Variants in PLCB4 observed in about 807,000 individuals in gnomAD.
PLCB4 encodes the protein phospholipase C beta 4.
In PLCB4, 77 loss-of-function variants were observed where a neutral mutation model predicts 178.8. That is an observed-to-expected ratio of 0.43 (90% CI 0.36 to 0.52). The LOEUF (loss-of-function observed/expected upper bound fraction) is 0.52, where lower values mean the gene tolerates loss of function less well. Among genes scored for constraint, PLCB4 ranks in the 20% least tolerant of loss-of-function variants. PLCB4 has a pLI of 0.00. For missense variants in PLCB4, 1,024 were observed against 1,453.4 expected (o/e 0.70, Z 4.80); for synonymous variants, 496 against 490.8 (o/e 1.01, Z -0.14).
chr20:9,388,585 G>C (rs1238888787), intron 15 of PLCB4, among the ~76,000 whole-genome samples: 1 of 152,162 alleles, frequency 6.6e-6, no homozygotes, highest in East Asian at 1.9e-4. Context: ...TGGTGTGGTG[G>C]CATGCACCTG....
At chr20:9,462,697 C>T (rs1024050014) in intron 35 of PLCB4, among the ~76,000 whole-genome samples, 9 of 151,916 alleles carry the variant, frequency 5.9e-5, no homozygotes, top group African/African-American at 1.9e-4. Flanking sequence ...TGAAATAAAG[C>T]AAGAAGAAAA....
chr20:9,404,278 T>G (rs1347484127), intron 20 of PLCB4, among the ~76,000 whole-genome samples: 1 of 152,032 alleles, frequency 6.6e-6, no homozygotes, highest in East Asian at 1.9e-4. Flanking sequence ...AGACAGTGGA[T>G]GAAGATGCAG....
intron 3 of PLCB4, among the ~76,000 whole-genome samples, chr20:9,282,917 A>G (rs1391010762): frequency 6.6e-6 from 1 of 152,054 alleles, no homozygotes; most frequent in Non-Finnish European, 1.5e-5. Context: ...AGGGTTTCAA[A>G]GAGAACAAGA....
chr20:9,100,963 T>C (rs547979736), intron 2 of PLCB4, among the ~76,000 whole-genome samples: 1 of 152,218 alleles, frequency 6.6e-6, no homozygotes, highest in East Asian at 1.9e-4. Flanking sequence ...CCAAGCATGA[T>C]TTTTATGTGG....
At chr20:9,183,278 A>G (rs967951369) in intron 2 of PLCB4, among the ~76,000 whole-genome samples, 1 of 152,060 alleles carries the variant, frequency 6.6e-6, no homozygotes, top group Non-Finnish European at 1.5e-5. Flanking sequence ...TTGGGTCACT[A>G]AGCCCATCTC....
At chr20:9,092,094 T>C (rs1179504555) in intron 1 of PLCB4, among the ~76,000 whole-genome samples, 1 of 152,128 alleles carries the variant, frequency 6.6e-6, no homozygotes, top group Non-Finnish European at 1.5e-5. Context: ...GGTATTTTCA[T>C]GTTCTTGTTT....
At chr20:9,152,748 C>T (rs2092712430) in intron 2 of PLCB4, among the ~76,000 whole-genome samples, 1 of 152,124 alleles carries the variant, frequency 6.6e-6, no homozygotes, top group Admixed American at 6.6e-5. Flanking sequence ...GGGAAGAAGG[C>T]CACTATCCTC....
At position 9,193,551 on chromosome 20, in the gene PLCB4, G is replaced by A. The variant is rs570887495; in HGVS notation, c.-78-23839G>A. On this transcript the variant is annotated intron_variant, in intron 2 of 39. Transcript: ENST00000378473. Reference sequence around the variant, plus strand: ...AAAGCTGTATGTGAATATTAGATTAGTGGGTGCTAAGCGTGAGGGGATGAA... The same window carrying A: ...AAAGCTGTATGTGAATATTAGATTAATGGGTGCTAAGCGTGAGGGGATGAA... 2.2e-4 allele frequency among the ~76,000 whole-genome samples: 34 copies of A among 152,304 alleles called. 1 individual carries two copies. The highest frequency in any genetic ancestry group is 2.0e-3 in the Admixed American group (30 of 15,298).
At chr20:9,118,368 A>G (rs1197445355) in intron 2 of PLCB4, among the ~76,000 whole-genome samples, 2 of 151,776 alleles carry the variant, frequency 1.3e-5, no homozygotes, top group Admixed American at 1.3e-4. Context: ...GCAATCTTCT[A>G]TAAACAAAGA....
At chr20:9,360,196 A>G (rs1334731371) in intron 7 of PLCB4, among the ~76,000 whole-genome samples, 1 of 152,166 alleles carries the variant, frequency 6.6e-6, no homozygotes, top group Non-Finnish European at 1.5e-5. Context: ...AGAGGCAGCA[A>G]CCTTCCCTCC....
At chr20:9,215,488 A>C (rs935346746) in intron 2 of PLCB4, among the ~76,000 whole-genome samples, 3 of 152,212 alleles carry the variant, frequency 2.0e-5, no homozygotes, top group Non-Finnish European at 4.4e-5. Context: ...GATTCAATCC[A>C]TGCTTAGAGC....
intron 2 of PLCB4, among the ~76,000 whole-genome samples, chr20:9,168,653 A>G (rs946110639): frequency 1.3e-5 from 2 of 152,188 alleles, no homozygotes; most frequent in African/African-American, 2.4e-5. Flanking sequence ...ACACCACCAG[A>G]TACCAAATAA....
intron 7 of PLCB4, among the ~76,000 whole-genome samples, chr20:9,360,729 A>C (rs895908585): frequency 8.5e-5 from 13 of 152,190 alleles, no homozygotes; most frequent in Admixed American, 4.6e-4. Flanking sequence ...AAAATAATTG[A>C]GGCATTTCTT....
intron 2 of PLCB4, among the ~76,000 whole-genome samples, chr20:9,134,459 T>A (rs906941436): frequency 4.6e-5 from 7 of 152,282 alleles, no homozygotes; most frequent in African/African-American, 1.2e-4. Flanking sequence ...CCATTTTTTT[T>A]AATATCCTTC....
chr20:9,372,239 T>C, intron 10 of PLCB4, 64 bp from the exon 11 acceptor site: 1 of 903,254 alleles, frequency 1.1e-6, no homozygotes, highest in Non-Finnish European at 1.8e-6. Context: ...CATGACCCTG[T>C]AGCTTCTCAC....
At chr20:9,344,567 G>A (rs1052301182) in intron 7 of PLCB4, among the ~76,000 whole-genome samples, 1 of 152,170 alleles carries the variant, frequency 6.6e-6, no homozygotes, top group Non-Finnish European at 1.5e-5. Flanking sequence ...TGATAAAGGT[G>A]TATAAACCTT....
At chr20:9,421,780 CT>C (rs1333305457) in intron 27 of PLCB4, among the ~76,000 whole-genome samples, 1 of 152,172 alleles carries the variant, frequency 6.6e-6, no homozygotes, top group Admixed American at 6.5e-5. Context: ...CTGGAAGTTA[CT>C]GGTAACTTAC....
rs371122948 is a variant in PLCB4, at chr20:9,122,221, T to C, written c.-79+25879T>C. Reference sequence around the variant, plus strand: ...CTGTAAATTCAGGAAAACATAAAAATAAAGATCACTGTTGTTTTACCACAC... The same window carrying C: ...CTGTAAATTCAGGAAAACATAAAAACAAAGATCACTGTTGTTTTACCACAC... On this transcript the variant is annotated intron_variant, in intron 2 of 39. Transcript: ENST00000378473. Among the ~76,000 whole-genome samples, 8 of 152,170 alleles carry C rather than the reference T, an allele frequency of 5.3e-5. No individual in the cohort carries two copies. In the East Asian group the frequency reaches 1.5e-3, roughly 29 times the overall value.
chr20:9,195,640 T>C (rs2093462160), intron 2 of PLCB4, among the ~76,000 whole-genome samples: 1 of 152,122 alleles, frequency 6.6e-6, no homozygotes, highest in African/African-American at 2.4e-5. Context: ...GCTTTTTGAC[T>C]CAGGCTGGGA....
Sources: allele counts gnomAD v4.1 joint callset (sites outside exome capture counted in the v4.1 genomes callset), GRCh38; gene constraint gnomAD v4.1.1; transcripts MANE v1.5; gene names NCBI Gene and HGNC (gene_info 2026-07-23, HGNC 2026-07-21).